PLCB1: variants seen among roughly 807,000 people sequenced by gnomAD.
PLCB1 encodes the protein 1-phosphatidylinositol 4,5-bisphosphate phosphodiesterase beta-1.
Under a neutral mutation model 161.8 loss-of-function variants are expected in PLCB1, and 46 were observed. That is an observed-to-expected ratio of 0.28 (90% CI 0.22 to 0.36). The LOEUF is 0.36. Among genes scored for constraint, PLCB1 ranks in the 10% least tolerant of loss-of-function variants. The pLI, the probability that PLCB1 is intolerant of heterozygous loss-of-function variation, is 1.00. For missense variants in PLCB1, 1,016 were observed against 1,472.5 expected, an observed-to-expected ratio of 0.69 and a Z score of 5.07; for synonymous variants, 517 against 503.7, an observed-to-expected ratio of 1.03 and a Z score of -0.35.
At chr20:8,605,167 G>T (rs1987717505) in intron 3 of PLCB1, among the ~76,000 whole-genome samples, 1 of 151,944 alleles carries the variant, frequency 6.6e-6, no homozygotes, top group Non-Finnish European at 1.5e-5. Context: ...GAACTGAGAA[G>T]TAAAATCTGT....
chr20:8,279,626 TAAAA>T (rs1375363993), intron 2 of PLCB1, among the ~76,000 whole-genome samples: 2 of 152,080 alleles, frequency 1.3e-5, no homozygotes, highest in Admixed American at 1.3e-4. Context: ...TTTACCATAA[TAAAA>T]AAACAAATTA....
intron 31 of PLCB1, among the ~76,000 whole-genome samples, chr20:8,819,714 A>C (rs1286939698): frequency 6.6e-6 from 1 of 152,224 alleles, no homozygotes; most frequent in Non-Finnish European, 1.5e-5. Context: ...AAAATGGTGT[A>C]GATAGTCTCA....
chr20:8,801,667 C>A (rs781632391), intron 31 of PLCB1, among the ~76,000 whole-genome samples: 5 of 152,130 alleles, frequency 3.3e-5, no homozygotes, highest in Non-Finnish European at 7.3e-5. Flanking sequence ...AAAAGTAGTG[C>A]CCTTAAGCCC....
In PLCB1 at chr20:8,697,602, G is replaced by A. The variant is rs760828631; in HGVS notation, c.1010-24G>A. The A allele has an allele frequency of 1.1e-5, 17 of 1,612,990 alleles. No homozygotes were observed. In the South Asian group the frequency reaches 1.3e-4, roughly 13 times the overall value. Reference sequence around the variant, plus strand: ...CATCCTTGCTTCATGGGAATCTGGGGTTTGTTTTGTTGGTGTTTTATAGCT... The same window carrying A: ...CATCCTTGCTTCATGGGAATCTGGGATTTGTTTTGTTGGTGTTTTATAGCT... On this transcript the variant is annotated intron_variant, in intron 10 of 31. Transcript: ENST00000338037.
At chr20:8,489,630 A>C (rs1568696269) in intron 3 of PLCB1, among the ~76,000 whole-genome samples, 1 of 152,176 alleles carries the variant, frequency 6.6e-6, no homozygotes, top group Non-Finnish European at 1.5e-5. Context: ...AGAAATCATA[A>C]CTGCCTCCAG....
chr20:8,882,041 C>T lies in PLCB1; in HGVS notation c.*192C>T, dbSNP rs1988016729. The stretch of plus-strand genomic sequence containing the variant: ...CAGGCTCCATGTGTCATGTGGAAAC[C>T]TCCACAGGTCTGCTAGTGAAGAATG... On this transcript the variant is annotated 3_prime_UTR_variant, in exon 32 of 32. Coordinates refer to ENST00000338037, the MANE Select transcript of PLCB1 (RefSeq NM_015192.4). 2 of 575,502 alleles carry T rather than the reference C, an allele frequency of 3.5e-6. No homozygotes were observed. The highest frequency in any genetic ancestry group is 5.7e-5 in the East Asian group (2 of 35,038). The allele number at this position is 575,502 out of a possible 1,614,324, so 35.6% of individuals were successfully genotyped here.
intron 31 of PLCB1, among the ~76,000 whole-genome samples, chr20:8,847,357 C>G (rs1392779895): frequency 6.6e-6 from 1 of 152,164 alleles, no homozygotes; most frequent in Non-Finnish European, 1.5e-5. Context: ...GACACACATC[C>G]AAGATCTGTC....
intron 2 of PLCB1, among the ~76,000 whole-genome samples, chr20:8,249,072 T>G (rs1981017233): frequency 6.6e-6 from 1 of 151,908 alleles, no homozygotes; most frequent in Non-Finnish European, 1.5e-5. Context: ...TCTGGGGAAA[T>G]GAAATCCTAA....
chr20:8,316,228 C>G (rs1423562392), intron 2 of PLCB1, among the ~76,000 whole-genome samples: 1 of 152,118 alleles, frequency 6.6e-6, no homozygotes, highest in East Asian at 1.9e-4. Flanking sequence ...CTGAATATGG[C>G]AGGACAGAAA....
At chr20:8,481,796 T>G (rs768735205) in intron 3 of PLCB1, among the ~76,000 whole-genome samples, 19 of 152,146 alleles carry the variant, frequency 1.2e-4, no homozygotes, top group Non-Finnish European at 2.2e-4. Context: ...TTGAATTGGT[T>G]TTTTGATCTG....
chr20:8,620,766 A>G lies in PLCB1; in HGVS notation c.247-7528A>G, dbSNP rs1024286017. Among the ~76,000 whole-genome samples the G allele has an allele frequency of 4.0e-5, 6 of 150,870 alleles. No individual in the cohort carries two copies. In the South Asian group the frequency reaches 6.3e-4, roughly 16 times the overall value. On this transcript the variant is annotated intron_variant, in intron 3 of 31. Transcript: ENST00000338037. ...CCCCACCAAAAAAAAAAAAAAAAAA[A>G]AAAGAAAAGAAAAGAAACAGAATAC...
chr20:8,760,148 G>A (rs938597212), intron 24 of PLCB1, among the ~76,000 whole-genome samples: 17 of 151,892 alleles, frequency 1.1e-4, no homozygotes, highest in African/African-American at 2.2e-4. Context: ...CAAGTGATCC[G>A]CCTGCCTCGG....
intron 31 of PLCB1, among the ~76,000 whole-genome samples, chr20:8,840,104 C>T (rs368508087): frequency 1.3e-5 from 2 of 151,096 alleles, no homozygotes; most frequent in African/African-American, 4.9e-5. Flanking sequence ...TTTTTTCTCA[C>T]ATATTTTCCT....
chr20:8,542,029 G>A (rs1227525523), intron 3 of PLCB1, among the ~76,000 whole-genome samples: 1 of 152,116 alleles, frequency 6.6e-6, no homozygotes, highest in Non-Finnish European at 1.5e-5. Flanking sequence ...GTTTGTGCAG[G>A]GTTCTAAGAT....
intron 2 of PLCB1, among the ~76,000 whole-genome samples, chr20:8,282,124 A>G (rs139201935): frequency 1.3e-5 from 2 of 152,288 alleles, no homozygotes; most frequent in East Asian, 3.9e-4. Flanking sequence ...ACCATGTACT[A>G]TATGTTTGTA....
At chr20:8,371,114 A>G (rs1307426651) in intron 2 of PLCB1, 1 of 387,876 alleles carries the variant, frequency 2.6e-6, no homozygotes, top group East Asian at 4.4e-5. Context: ...CTGATTCATC[A>G]TGATTTAGGA....
intron 2 of PLCB1, among the ~76,000 whole-genome samples, chr20:8,217,758 C>T (rs570899552): frequency 6.6e-6 from 1 of 152,226 alleles, no homozygotes; most frequent in East Asian, 1.9e-4. Flanking sequence ...CATGCATGCT[C>T]TGCCCTTATG....
chr20:8,398,210 C>A (rs1978377232), intron 3 of PLCB1, among the ~76,000 whole-genome samples: 1 of 151,980 alleles, frequency 6.6e-6, no homozygotes, highest in African/African-American at 2.4e-5. Context: ...AAGGACCATG[C>A]ATGTATATAC....
At chr20:8,340,549 C>A (rs903659349) in intron 2 of PLCB1, among the ~76,000 whole-genome samples, 25 of 151,952 alleles carry the variant, frequency 1.6e-4, no homozygotes, top group African/African-American at 4.1e-4. Flanking sequence ...CAGCCTCCCG[C>A]GTAGCTGGGA....
Sources: allele counts gnomAD v4.1 joint callset (sites outside exome capture counted in the v4.1 genomes callset), GRCh38; gene constraint gnomAD v4.1.1; transcripts MANE v1.5; gene names NCBI Gene and HGNC (gene_info 2026-07-23, HGNC 2026-07-21).